Variants in ZNF3 observed in about 807,000 individuals in gnomAD.
The protein encoded by ZNF3 is zinc finger protein 3, also known as C2-H2 type zinc finger protein.
Under a neutral mutation model 36.9 loss-of-function variants are expected in ZNF3, and 16 were observed. That is an observed-to-expected ratio of 0.43 (90% CI 0.29 to 0.66). The LOEUF (loss-of-function observed/expected upper bound fraction) is 0.66. ZNF3 is among the 30% of genes least tolerant of loss of function. The pLI is 0.13. For synonymous variants in ZNF3, 201 were observed against 201.9 expected (o/e 1.00, Z 0.04); for missense variants, 462 against 543.1 (o/e 0.85, Z 1.48).
chr7:100,076,294 T>C (rs1326833801), intron 3 of ZNF3, among the ~76,000 whole-genome samples: 1 of 149,002 alleles, frequency 6.7e-6, no homozygotes, highest in Admixed American at 6.7e-5. Context: ...CTGCAATTCT[T>C]TTTTTTTTTT....
rs770516999 is a variant in ZNF3 at position 100,071,839 on chromosome 7, A to C, written c.645T>G (p.Leu215=). The change falls in exon 6 of 6, where the codon CTT becomes CTG. Residue 215 remains leucine (L), a synonymous_variant. Transcript: ENST00000299667. ...CSKSFNRTSD[L]IQHQRIHTGE... ...CAGTGTGGATTCTCTGATGTTGAAT[A>C]AGGTCTGAAGTTCGATTAAAGCTCT... 9.9e-6 allele frequency: 16 copies of C among 1,613,852 alleles called. No individual in the cohort carries two copies. In the East Asian group the frequency reaches 3.3e-4, roughly 34 times the overall value.
At chr7:100,068,055 CTG>C (rs1792735623), downstream of ZNF3, among the ~76,000 whole-genome samples, 1 of 152,258 alleles carries the variant, frequency 6.6e-6, no homozygotes, top group Non-Finnish European at 1.5e-5. Flanking sequence ...AGACCCACGA[CTG>C]AGGCTTGGGA....
chr7:100,079,426 G>A (rs1794645405), intron 2 of ZNF3, 110 bp downstream of exon 2: 1 of 152,268 alleles, frequency 6.6e-6, no homozygotes, highest in East Asian at 1.9e-4. Context: ...ATGGCTTCAG[G>A]TCCAGACAGG....
exon 6 of ZNF3, chr7:100,064,036 G>A (rs766471660): frequency 1.2e-6 from 2 of 1,614,124 alleles, no homozygotes; most frequent in South Asian, 1.1e-5. Context: ...TATATGTGCT[G>A]AATGTGGCAA....
chr7:100,077,638 C>G (rs1159456076), intron 2 of ZNF3: 9 of 275,788 alleles, frequency 3.3e-5, no homozygotes, highest in Non-Finnish European at 6.0e-5. Flanking sequence ...CCAGGCAGGT[C>G]TGGAACTCCT....
At chr7:100,074,140 G>A (rs1464567510) in intron 5 of ZNF3, among the ~76,000 whole-genome samples, 3 of 151,894 alleles carry the variant, frequency 2.0e-5, no homozygotes, top group African/African-American at 4.8e-5. Context: ...GGCAACAAGA[G>A]TGAAACTCCA....
At chr7:100,075,733 CA>C in intron 3 of ZNF3, 103 bp from the exon 4 acceptor site, 1 of 1,051,776 alleles carries the variant, frequency 9.5e-7, no homozygotes, top group Non-Finnish European at 1.4e-6. Flanking sequence ...CCTGGGACAA[CA>C]CAGGACCCTC....
chr7:100,066,458 G>A (rs528941847), downstream of ZNF3, among the ~76,000 whole-genome samples: 366 of 151,998 alleles, frequency 2.4e-3, 1 homozygote, highest in African/African-American at 8.6e-3. Context: ...AAGGCCGAGC[G>A]TGGTGGCTCA....
In ZNF3 at chr7:100,072,103, T is replaced by TTTAAACTTGAGA. The variant is rs1395321399; in HGVS notation, c.369_380dup (p.Phe126_Lys127insAsnLeuLysPhe). The TTTAAACTTGAGA allele has an allele frequency of 1.2e-6, 2 of 1,614,234 alleles. No homozygotes were observed. The highest frequency in any genetic ancestry group is 1.7e-6 in the Non-Finnish European group (2 of 1,180,040). On this transcript the variant is annotated inframe_insertion, in exon 6 of 6. Transcript: ENST00000299667. ...GACTGACTTCTCGTTCATAGGCTTC[T>TTTAAACTTGAGA]TTAAACTTGAGACCCTGAGAAATAT... is the stretch of plus-strand genomic sequence containing the variant.
rs1016937802 is a variant in ZNF3 at position 100,071,574 on chromosome 7, T to G, written c.910A>C (p.Arg304=). 4 of 1,614,132 alleles carry G rather than the reference T, an allele frequency of 2.5e-6. No homozygotes were observed. Among genetic ancestry groups the G allele is most frequent in the Non-Finnish European group, 3.4e-6 (4 of 1,180,018 alleles). The part of the protein sequence containing the change: ...SWSSTLTHHQ[R]IHTGEKPYAC... ...TAGGGTTTCTCACCAGTGTGGATTC[T>G]CTGATGGTGGGTGAGGGTGGAGCTC... is the stretch of plus-strand genomic sequence containing the variant. The change falls in exon 6 of 6, where the codon AGA becomes CGA. Residue 304 remains arginine (R), a synonymous_variant. Transcript: ENST00000299667.
chr7:100,080,981 C>T (rs1794913223), intron 1 of ZNF3, among the ~76,000 whole-genome samples: 1 of 152,200 alleles, frequency 6.6e-6, no homozygotes, highest in Non-Finnish European at 1.5e-5. Context: ...ACTCTGCTAT[C>T]TTCTCCTGGA....
intron 5 of ZNF3, among the ~76,000 whole-genome samples, chr7:100,074,028 G>T (rs1311790236): frequency 1.3e-5 from 2 of 152,026 alleles, no homozygotes; most frequent in Non-Finnish European, 2.9e-5. Context: ...GGTGACGCAT[G>T]CCTATCATCA....
chr7:100,072,750 A>T (rs1041678183), intron 5 of ZNF3, among the ~76,000 whole-genome samples: 2 of 152,216 alleles, frequency 1.3e-5, no homozygotes, highest in South Asian at 4.1e-4. Flanking sequence ...AAGCCCATGG[A>T]AACGGCAAGA....
chr7:100,076,700 A>G (rs1794172457), intron 3 of ZNF3, among the ~76,000 whole-genome samples: 1 of 152,172 alleles, frequency 6.6e-6, no homozygotes, highest in African/African-American at 2.4e-5. Flanking sequence ...AGCACAAACT[A>G]TGCCTATGAA....
rs1296816721 is a variant in ZNF3 at position 100,071,087 on chromosome 7, T to C, written c.*56A>G. 8 of 1,525,980 alleles carry C rather than the reference T, an allele frequency of 5.2e-6. No homozygotes were observed. The East Asian group carries it at 1.8e-4, about 34-fold the overall frequency. The allele number at this position is 1,525,980 out of a possible 1,614,324, so 94.5% of individuals were successfully genotyped here. A position where few individuals can be genotyped will look rare whatever the true frequency, so the allele number is the denominator to read the frequency against. On this transcript the variant is annotated 3_prime_UTR_variant, in exon 6 of 6. Transcript: ENST00000299667. ...TCCTAAGCTGTTGAGATTTATAGGGTAAGGCAAGAGCTCTTGAGACTCAGG... is the reference window on the plus strand; with the variant it reads ...TCCTAAGCTGTTGAGATTTATAGGGCAAGGCAAGAGCTCTTGAGACTCAGG...
Position 100,064,638 on chromosome 7 carries a change from T to C in ZNF3, c.*150A>G, listed in dbSNP as rs1554360449. On this transcript the variant is annotated 3_prime_UTR_variant, in exon 6 of 6. Transcript: ENST00000413658. ...CGTAACTTTCAAGCGCTCCTGTTGTTGTCGTTGTTTTAAACTTTAGAATCT... is the reference window on the plus strand; with the variant it reads ...CGTAACTTTCAAGCGCTCCTGTTGTCGTCGTTGTTTTAAACTTTAGAATCT... 1.9e-6 allele frequency: 3 copies of C among 1,605,232 alleles called. No individual in the cohort carries two copies. The Admixed American group carries it at 5.1e-5, about 27-fold the overall frequency.
downstream of ZNF3, chr7:100,063,878 T>C: frequency 6.2e-7 from 1 of 1,614,138 alleles, no homozygotes. Context: ...ATTTCTGTGA[T>C]TATCGCCAAT....
intron 1 of ZNF3, among the ~76,000 whole-genome samples, chr7:100,080,799 T>C (rs1197793067): frequency 6.6e-6 from 1 of 152,102 alleles, no homozygotes; most frequent in Non-Finnish European, 1.5e-5. Context: ...GTCTCAAAAA[T>C]AAATAAAAAT....
chr7:100,071,123 A>G lies in ZNF3; in HGVS notation c.*20T>C. ...CTCTTGAGACTCAGGGAAAGTGAGG[A>G]AAATGGGTGTGTGGCTCTTTCACGT... On this transcript the variant is annotated 3_prime_UTR_variant, in exon 6 of 6. Transcript: ENST00000299667. 6.4e-7 allele frequency: 1 copy of G among 1,553,460 alleles called. No homozygotes were observed. Among genetic ancestry groups the G allele is most frequent in the Non-Finnish European group, 8.7e-7 (1 of 1,151,186 alleles).
Sources: allele counts gnomAD v4.1 joint callset (sites outside exome capture counted in the v4.1 genomes callset), GRCh38; gene constraint gnomAD v4.1.1; transcripts MANE v1.5; gene names NCBI Gene and HGNC (gene_info 2026-07-23, HGNC 2026-07-21).